Variants in PTP4A2 observed in about 807,000 individuals in gnomAD.
The protein encoded by PTP4A2 is protein tyrosine phosphatase type IVA 2.
In PTP4A2, 2 loss-of-function variants were observed where a neutral mutation model predicts 22.9. The ratio of observed to expected loss-of-function variants is 0.09; its 90% CI spans 0.04 to 0.27. The LOEUF is 0.27. Among genes scored for constraint, PTP4A2 ranks in the 10% least tolerant of loss-of-function variants. PTP4A2 has a pLI of 1.00. For synonymous variants in PTP4A2, 68 were observed against 69.1 expected, an observed-to-expected ratio of 0.98 and a Z score of 0.08; for missense variants, 103 against 205.1, an observed-to-expected ratio of 0.50 and a Z score of 3.04.
chr1:31,922,586 G>GTTTCTTTCTTTCTTTCTTTC (rs200368265), intron 1 of PTP4A2, among the ~76,000 whole-genome samples: 16 of 146,112 alleles, frequency 1.1e-4, no homozygotes, highest in East Asian at 6.1e-4. Context: ...ACCCAGGTTT[G>GTTTCTTTCTTTCTTTCTTTC]TTTCTTTCTT....
chr1:31,917,695 G>T (rs1199282557), intron 2 of PTP4A2, among the ~76,000 whole-genome samples: 1 of 152,160 alleles, frequency 6.6e-6, no homozygotes. Flanking sequence ...TTATGTTCTG[G>T]TCAGGCACAG....
At chr1:31,932,280 G>A (rs981954972) in intron 1 of PTP4A2, among the ~76,000 whole-genome samples, 4 of 152,048 alleles carry the variant, frequency 2.6e-5, no homozygotes, top group Non-Finnish European at 5.9e-5. Context: ...ACTATGAGAG[G>A]AATTAAATGC....
chr1:31,922,582 GTTTGTTTCTTTCTTTC>G (rs925452768), intron 1 of PTP4A2, among the ~76,000 whole-genome samples: 10 of 141,724 alleles, frequency 7.1e-5, no homozygotes, highest in Non-Finnish European at 9.2e-5. Context: ...AAAAACCCAG[GTTTGTTTCTTTCTTTC>G]TTTCTTTCTT....
At chr1:31,928,155 TTAA>T (rs1273760794) in intron 1 of PTP4A2, among the ~76,000 whole-genome samples, 2 of 147,862 alleles carry the variant, frequency 1.4e-5, no homozygotes, top group Non-Finnish European at 3.0e-5. Context: ...TAGATTTAAA[TTAA>T]TATTATATTA....
intron 1 of PTP4A2, among the ~76,000 whole-genome samples, chr1:31,936,321 CT>C (rs1652931235): frequency 6.6e-6 from 1 of 151,856 alleles, no homozygotes; most frequent in Non-Finnish European, 1.5e-5. Flanking sequence ...CACTTGTATT[CT>C]CAGCTACTTG....
chr1:31,915,991 T>TA lies in PTP4A2; in HGVS notation c.97-5dup, dbSNP rs761491536. ...TCACTCCATACTTCTTAAGTTCCTT[T>TA]AAAAAAAAAAAAAATTATAATGGAA... On this transcript the variant is annotated splice_polypyrimidine_tract_variant and splice_region_variant and intron_variant, in intron 2 of 5. Transcript: ENST00000647444. The TA allele has an allele frequency of 0.059, 67,226 of 1,134,736 alleles. 15 individuals carry two copies. Among genetic ancestry groups the TA allele is most frequent in the Non-Finnish European group, 0.064 (53,036 of 830,410 alleles). 70.3% of individuals were successfully genotyped at this position (1,134,736 alleles called of 1,614,324 possible).
rs1478862424 is a variant in PTP4A2 at position 31,938,233 on chromosome 1, T to G, written c.-840A>C. 1.3e-5 allele frequency: 2 copies of G among 153,396 alleles called. No homozygotes were observed. Among genetic ancestry groups the G allele is most frequent in the African/African-American group, 2.5e-5 (1 of 40,698 alleles). 9.5% of individuals were successfully genotyped at this position (153,396 alleles called of 1,614,324 possible). Reference sequence around the variant, plus strand: ...TGCGTCTCCTGCTGCCGCCGCTGCCTCCGCTGCCGCCGCTGCCCTGTGGCG... The same window carrying G: ...TGCGTCTCCTGCTGCCGCCGCTGCCGCCGCTGCCGCCGCTGCCCTGTGGCG... On this transcript the variant is annotated 5_prime_UTR_variant, in exon 1 of 6. Coordinates refer to ENST00000647444, the MANE Select transcript of PTP4A2 (RefSeq NM_080391.4). The surrounding 1 kb of genome is among the most constrained non-coding windows in gnomAD (Gnocchi z 4.4).
chr1:31,935,124 T>C (rs1652878541), intron 1 of PTP4A2, among the ~76,000 whole-genome samples: 1 of 152,214 alleles, frequency 6.6e-6, no homozygotes, highest in African/African-American at 2.4e-5. Flanking sequence ...GAAACTTTGA[T>C]ACAGTGGTAA....
At chr1:31,937,181 A>C (rs886480426) in intron 1 of PTP4A2, among the ~76,000 whole-genome samples, 4 of 152,172 alleles carry the variant, frequency 2.6e-5, no homozygotes, top group Admixed American at 2.0e-4. Context: ...TCATTGACAA[A>C]TTTGAAAATT....
At chr1:31,931,712 T>C (rs2124265984) in intron 1 of PTP4A2, among the ~76,000 whole-genome samples, 1 of 152,286 alleles carries the variant, frequency 6.6e-6, no homozygotes, top group Non-Finnish European at 1.5e-5. Context: ...AAAGACCCAA[T>C]TTGCATAATT....
rs748395692 is a variant in PTP4A2, at chr1:31,915,906, T to C, written c.178A>G (p.Ile60Val). 6.3e-7 allele frequency: 1 copy of C among 1,598,918 alleles called. No individual in the cohort carries two copies. Among genetic ancestry groups the C allele is most frequent in the Non-Finnish European group, 8.5e-7 (1 of 1,171,826 alleles). The change falls in exon 3 of 6, where the codon ATC becomes GTC. Residue 60 changes from isoleucine to valine, a missense_variant. By Grantham distance (29) the Ile-to-Val change is conservative. Around this residue, in one of 3 missense-constraint regions of PTP4A2, gnomAD observed 66 missense variants for 113.0 expected, o/e 0.58. Coordinates refer to ENST00000647444, the MANE Select transcript of PTP4A2 (RefSeq NM_080391.4). ...TACTACACACTCACTAGAACGTGGATTCCTTCTTTTTCAACTGGAGCTTTA... is the reference window on the plus strand; with the variant it reads ...TACTACACACTCACTAGAACGTGGACTCCTTCTTTTTCAACTGGAGCTTTA... ...YDKAPVEKEG[I>V]HVLDWPFDDG...
intron 1 of PTP4A2, among the ~76,000 whole-genome samples, chr1:31,927,624 C>T (rs1169122852): frequency 6.6e-6 from 1 of 152,082 alleles, no homozygotes; most frequent in Non-Finnish European, 1.5e-5. Context: ...AGCAAGGAGA[C>T]AAGTAGATAT....
At chr1:31,916,950 T>G (rs1651879945) in intron 2 of PTP4A2, among the ~76,000 whole-genome samples, 1 of 152,096 alleles carries the variant, frequency 6.6e-6, no homozygotes, top group African/African-American at 2.4e-5. Context: ...TTTAAAGAAA[T>G]AAAATTCTGA....
chr1:31,925,706 C>T (rs1240930922), intron 1 of PTP4A2, among the ~76,000 whole-genome samples: 4 of 151,160 alleles, frequency 2.6e-5, no homozygotes, highest in Non-Finnish European at 5.9e-5. Context: ...CTTGCAGTGA[C>T]CCAAGATCGC....
At chr1:31,920,971 T>C (rs181394886) in intron 1 of PTP4A2, among the ~76,000 whole-genome samples, 1 of 152,326 alleles carries the variant, frequency 6.6e-6, no homozygotes, top group East Asian at 1.9e-4. Flanking sequence ...AATTTCACTT[T>C]GAGGATTTTA....
chr1:31,937,334 C>T (rs974364876), intron 1 of PTP4A2, among the ~76,000 whole-genome samples: 3 of 152,232 alleles, frequency 2.0e-5, no homozygotes, highest in South Asian at 4.1e-4. Flanking sequence ...TACCCCCTTT[C>T]CTCATACTTG....
At chr1:31,918,127 T>C (rs1488688887) in intron 2 of PTP4A2, among the ~76,000 whole-genome samples, 2 of 151,398 alleles carry the variant, frequency 1.3e-5, no homozygotes, top group South Asian at 2.1e-4. Context: ...CAGGTGCCTG[T>C]AGTCCCAGCT....
At chr1:31,931,354 A>G (rs1206201905) in intron 1 of PTP4A2, among the ~76,000 whole-genome samples, 1 of 152,244 alleles carries the variant, frequency 6.6e-6, no homozygotes, top group East Asian at 1.9e-4. Flanking sequence ...CTTTGGTTAG[A>G]TAACTCTGGA....
intron 1 of PTP4A2, among the ~76,000 whole-genome samples, chr1:31,932,866 T>G (rs1652780098): frequency 6.6e-6 from 1 of 152,124 alleles, no homozygotes; most frequent in Non-Finnish European, 1.5e-5. Flanking sequence ...AGGCTTCAAG[T>G]GCCAAGACAG....
Sources: gnomAD v4.1 joint callset for allele counts (sites outside exome capture counted in the v4.1 genomes callset) on GRCh38, gnomAD v4.1.1 for gene constraint, gnomAD v4.1.1 regional missense constraint, Gnocchi (gnomAD v3.1) non-coding constraint, MANE v1.5 for transcripts, NCBI Gene and HGNC (gene_info 2026-07-23, HGNC 2026-07-21) for gene names.